KCNH7: variants seen among roughly 807,000 people sequenced by gnomAD.
KCNH7 encodes potassium voltage-gated channel subfamily H member 7.
Under a neutral mutation model 120.8 loss-of-function variants are expected in KCNH7, and 49 were observed. That is an observed-to-expected ratio of 0.41 (90% CI 0.32 to 0.51). KCNH7 has a LOEUF of 0.51. Ranked by LOEUF, KCNH7 falls within the 20% of genes least tolerant of loss-of-function variation. The pLI is 0.38. For synonymous variants in KCNH7, 547 were observed against 516.1 expected (o/e 1.06, Z -0.81); for missense variants, 1,097 against 1,446.6 (o/e 0.76, Z 3.92).
intron 2 of KCNH7, among the ~76,000 whole-genome samples, chr2:162,544,575 T>C (rs550855535): frequency 6.6e-6 from 1 of 152,280 alleles, no homozygotes. Context: ...GGGTTCCAAT[T>C]CCTTCATTAA....
intron 6 of KCNH7, among the ~76,000 whole-genome samples, chr2:162,472,422 G>A (rs1689576905): frequency 6.6e-6 from 1 of 152,148 alleles, no homozygotes; most frequent in Admixed American, 6.5e-5. Flanking sequence ...TCAACAAGTG[G>A]GTAAAGGATA....
intron 9 of KCNH7, among the ~76,000 whole-genome samples, chr2:162,422,443 C>T (rs1473264597): frequency 6.6e-6 from 1 of 152,056 alleles, no homozygotes; most frequent in African/African-American, 2.4e-5. Flanking sequence ...GGTCCTTGCC[C>T]AGTGGAGGAG....
At chr2:162,795,088 C>G (rs1049982447) in intron 2 of KCNH7, among the ~76,000 whole-genome samples, 1 of 151,888 alleles carries the variant, frequency 6.6e-6, no homozygotes, top group Admixed American at 6.6e-5. Flanking sequence ...TCCACAAAAT[C>G]TATATTTTTA....
At chr2:162,380,625 A>T (rs148392289) in intron 13 of KCNH7, among the ~76,000 whole-genome samples, 2,553 of 152,220 alleles carry the variant, frequency 0.017, 200 homozygotes, top group Admixed American at 0.15. Context: ...GCTTTCTTGT[A>T]GCCCCTTCTG....
intron 2 of KCNH7, chr2:162,797,708 C>A (rs1684193780): frequency 1.3e-5 from 2 of 151,664 alleles, no homozygotes; most frequent in South Asian, 4.2e-4. Context: ...GCATCATGGG[C>A]AGCACTAACC....
chr2:162,784,113 T>G (rs1273441740), intron 2 of KCNH7, among the ~76,000 whole-genome samples: 1 of 152,166 alleles, frequency 6.6e-6, no homozygotes, highest in Admixed American at 6.5e-5. Flanking sequence ...TATTTGGATT[T>G]TGTAAAATAC....
chr2:162,440,013 A>G (rs1688370940), intron 7 of KCNH7, among the ~76,000 whole-genome samples: 1 of 151,776 alleles, frequency 6.6e-6, no homozygotes, highest in South Asian at 2.1e-4. Flanking sequence ...ACTTCTTGTC[A>G]GTATTAAACA....
intron 2 of KCNH7, among the ~76,000 whole-genome samples, chr2:162,670,613 A>G (rs1201821829): frequency 6.6e-6 from 1 of 152,044 alleles, no homozygotes; most frequent in African/African-American, 2.4e-5. Context: ...TTAAGGAAGC[A>G]GGTGAGACAG....
chr2:162,426,386 A>G lies in KCNH7; in HGVS notation c.1955-2851T>C, dbSNP rs74738973. Among the ~76,000 whole-genome samples, 1,462 of 152,288 alleles carry G rather than the reference A, an allele frequency of 9.6e-3. 10 individuals are homozygous for G. The highest frequency in any genetic ancestry group is 0.016 in the Non-Finnish European group (1,102 of 68,022). Reference sequence around the variant, plus strand: ...AATAAAATACTTATGTTCTGTACATATTATTTAGTTGATGCCCAACTGGCA... The same window carrying G: ...AATAAAATACTTATGTTCTGTACATGTTATTTAGTTGATGCCCAACTGGCA... On this transcript the variant is annotated intron_variant, in intron 8 of 15. Transcript: ENST00000332142.
intron 2 of KCNH7, among the ~76,000 whole-genome samples, chr2:162,557,489 C>A (rs1692898585): frequency 6.6e-6 from 1 of 152,152 alleles, no homozygotes; most frequent in Admixed American, 6.5e-5. Context: ...GATTTCCCTT[C>A]TTGATGGAGC....
chr2:162,567,263 A>G (rs1035658188), intron 2 of KCNH7, among the ~76,000 whole-genome samples: 1 of 152,040 alleles, frequency 6.6e-6, no homozygotes, highest in Non-Finnish European at 1.5e-5. Context: ...TTTACAAAGC[A>G]TTAAGAACAA....
At chr2:162,664,284 C>A (rs901875311) in intron 2 of KCNH7, among the ~76,000 whole-genome samples, 1 of 152,104 alleles carries the variant, frequency 6.6e-6, no homozygotes, top group Non-Finnish European at 1.5e-5. Context: ...TCTTAGACAT[C>A]CTAAAGCCTA....
At chr2:162,454,331 C>A (rs1400801512) in intron 6 of KCNH7, among the ~76,000 whole-genome samples, 1 of 152,076 alleles carries the variant, frequency 6.6e-6, no homozygotes, top group Non-Finnish European at 1.5e-5. Context: ...GGTACAAGTA[C>A]CATGTTGTTT....
intron 2 of KCNH7, among the ~76,000 whole-genome samples, chr2:162,807,215 A>G (rs1684571765): frequency 7.1e-6 from 1 of 140,864 alleles, no homozygotes; most frequent in South Asian, 2.3e-4. Flanking sequence ...GTTCAAGACC[A>G]GCCTGGCCAA....
chr2:162,399,696 T>C (rs992013154), intron 10 of KCNH7, among the ~76,000 whole-genome samples: 2 of 151,926 alleles, frequency 1.3e-5, no homozygotes, highest in African/African-American at 4.8e-5. Flanking sequence ...ATTAATTACC[T>C]AGTTAAGGAC....
At chr2:162,649,113 T>A (rs1297821802) in intron 2 of KCNH7, among the ~76,000 whole-genome samples, 4 of 152,214 alleles carry the variant, frequency 2.6e-5, no homozygotes, top group Admixed American at 2.6e-4. Flanking sequence ...TCATTAAGAC[T>A]CTATTTCCAC....
At chr2:162,688,170 T>C (rs1223964169) in intron 2 of KCNH7, among the ~76,000 whole-genome samples, 1 of 152,190 alleles carries the variant, frequency 6.6e-6, no homozygotes, top group African/African-American at 2.4e-5. Context: ...TTATGATTTA[T>C]TAAATAATCT....
chr2:162,641,944 C>G (rs1451719379), intron 2 of KCNH7, among the ~76,000 whole-genome samples: 1 of 151,916 alleles, frequency 6.6e-6, no homozygotes, highest in Admixed American at 6.6e-5. Context: ...AACTGGAAGG[C>G]CTTTCTTAGC....
chr2:162,407,283 A>G (rs537487091), intron 9 of KCNH7, among the ~76,000 whole-genome samples: 17 of 152,066 alleles, frequency 1.1e-4, no homozygotes, highest in Admixed American at 2.0e-4. Flanking sequence ...AGAGATGACA[A>G]TGTTGTAAAT....
Sources: allele counts gnomAD v4.1 joint callset (sites outside exome capture counted in the v4.1 genomes callset), GRCh38; gene constraint gnomAD v4.1.1; transcripts MANE v1.5; gene names NCBI Gene and HGNC (gene_info 2026-07-23, HGNC 2026-07-21).